Variants in TMEM232 observed in about 807,000 individuals in gnomAD.
TMEM232 encodes the protein transmembrane protein 232.
In TMEM232, 80 loss-of-function variants were observed where a neutral mutation model predicts 78.8. The observed-to-expected ratio is 1.01, with a 90% CI of 0.85 to 1.22. The LOEUF (loss-of-function observed/expected upper bound fraction) is 1.22, where lower values mean the gene tolerates loss of function less well. TMEM232 is among the 50% of genes most tolerant of loss of function. TMEM232 has a pLI of 0.00. For synonymous variants in TMEM232, 297 were observed against 254.3 expected, an observed-to-expected ratio of 1.17 and a Z score of -1.60; for missense variants, 881 against 742.2, an observed-to-expected ratio of 1.19 and a Z score of -2.17.
rs567992681 is a variant in TMEM232 at position 110,695,811 on chromosome 5, T to C, written c.-12-28447A>G. On this transcript the variant is annotated intron_variant, in intron 1 of 13. Coordinates refer to ENST00000455884, the MANE Select transcript of TMEM232 (RefSeq NM_001039763.4). ...GCTCTGAAATTGAGGCAATAATTAA[T>C]AGCTTACCAACCAAAAAAAGTCCAG... is the stretch of plus-strand genomic sequence containing the variant. Among the ~76,000 whole-genome samples the C allele has an allele frequency of 2.6e-5, 4 of 152,200 alleles. No individual in the cohort carries two copies. In the East Asian group the frequency reaches 7.7e-4, roughly 29 times the overall value.
chr5:110,732,464 A>G (rs774330526), intron 2 of TMEM232, among the ~76,000 whole-genome samples: 3 of 152,206 alleles, frequency 2.0e-5, no homozygotes, highest in African/African-American at 7.2e-5. Flanking sequence ...ACAGTTCCAC[A>G]TGGCTGCAGA....
intron 1 of TMEM232, among the ~76,000 whole-genome samples, chr5:110,690,170 G>A (rs1348497333): frequency 7.2e-5 from 11 of 152,214 alleles, no homozygotes; most frequent in South Asian, 4.1e-4. Context: ...TCTAGACAGC[G>A]AAAGAAAGTA....
chr5:110,663,745 A>G (rs62376092), intron 2 of TMEM232, among the ~76,000 whole-genome samples: 29 of 134,074 alleles, frequency 2.2e-4, no homozygotes, highest in Admixed American at 6.1e-4. Flanking sequence ...GTGTGTGTGT[A>G]TGTGTGTGTG....
Position 110,568,586 on chromosome 5 carries a change from T to C in TMEM232, c.1316A>G (p.Tyr439Cys). ...VVWTGYYGLV[Y>C]NLVKISWELQ... ...TTCCCATGAAATTTTCACCAGGTTA[T>C]ACACTAAGCCATAGTAACCAGTCCA... is the stretch of plus-strand genomic sequence containing the variant. The change falls in exon 11 of 14, where the codon TAT becomes TGT. Residue 439 changes from tyrosine (Y) to cysteine (C), a missense_variant. By Grantham distance (194) the Tyr-to-Cys change is radical (BLOSUM62 -2). Coordinates refer to ENST00000455884, the MANE Select transcript of TMEM232 (RefSeq NM_001039763.4). The C allele has an allele frequency of 1.3e-6, 2 of 1,549,336 alleles. No individual in the cohort carries two copies. Among genetic ancestry groups the C allele is most frequent in the South Asian group, 1.2e-5 (1 of 83,942 alleles).
upstream of TMEM232, among the ~76,000 whole-genome samples, chr5:110,730,482 A>C (rs1469678994): frequency 6.6e-6 from 1 of 152,142 alleles, no homozygotes; most frequent in African/African-American, 2.4e-5. Flanking sequence ...ATACTGTATT[A>C]GTTTGTTTTC....
chr5:110,711,299 T>C lies in TMEM232; in HGVS notation c.-13+15328A>G, dbSNP rs143848678. Among the ~76,000 whole-genome samples the C allele has an allele frequency of 6.4e-3, 974 of 152,282 alleles. 19 individuals are homozygous for C. Among genetic ancestry groups the C allele is most frequent in the African/African-American group, 0.022 (901 of 41,558 alleles). ...CTGAAATACATTTCATGTTCATGGA[T>C]TGGAAGAATCAATATTGTTAAAATG... On this transcript the variant is annotated intron_variant, in intron 1 of 13. Coordinates refer to ENST00000455884, the MANE Select transcript of TMEM232 (RefSeq NM_001039763.4).
At chr5:110,404,868 G>T (rs1268326519) in intron 2 of TMEM232, among the ~76,000 whole-genome samples, 2 of 151,974 alleles carry the variant, frequency 1.3e-5, no homozygotes, top group Non-Finnish European at 2.9e-5. Context: ...TTGATGAAGA[G>T]ACTCGGCAGG....
At chr5:110,507,477 G>T (rs754372046) in intron 12 of TMEM232, among the ~76,000 whole-genome samples, 3 of 152,076 alleles carry the variant, frequency 2.0e-5, no homozygotes, top group Non-Finnish European at 2.9e-5. Context: ...GTTTACCCTG[G>T]GTTAATCCAA....
chr5:110,519,541 G>A (rs1245176927), intron 12 of TMEM232, among the ~76,000 whole-genome samples: 1 of 151,968 alleles, frequency 6.6e-6, no homozygotes, highest in African/African-American at 2.4e-5. Context: ...AATTAGTACA[G>A]CCACTACGGA....
At chr5:110,722,701 A>G (rs897721019) in intron 1 of TMEM232, among the ~76,000 whole-genome samples, 1 of 152,204 alleles carries the variant, frequency 6.6e-6, no homozygotes, top group Admixed American at 6.5e-5. Flanking sequence ...CAGAAGGGCC[A>G]TGATTCAATG....
At chr5:110,630,935 T>C (rs575803200) in intron 5 of TMEM232, among the ~76,000 whole-genome samples, 2 of 152,174 alleles carry the variant, frequency 1.3e-5, no homozygotes, top group South Asian at 4.1e-4. Flanking sequence ...TAGAGACCCC[T>C]GAAGGACATT....
At chr5:110,548,571 C>A (rs998165568) in intron 11 of TMEM232, among the ~76,000 whole-genome samples, 1 of 151,518 alleles carries the variant, frequency 6.6e-6, no homozygotes, top group African/African-American at 2.4e-5. Context: ...AAAACAAAAT[C>A]TTTTCCCAAA....
At chr5:110,481,737 T>C (rs986315215) in intron 12 of TMEM232, among the ~76,000 whole-genome samples, 26 of 152,274 alleles carry the variant, frequency 1.7e-4, no homozygotes, top group African/African-American at 6.3e-4. Flanking sequence ...GAGTAGACTT[T>C]GAAGCAAACA....
chr5:110,427,529 G>A (rs901024849), intron 12 of TMEM232, among the ~76,000 whole-genome samples: 1 of 151,814 alleles, frequency 6.6e-6, no homozygotes, highest in Non-Finnish European at 1.5e-5. Flanking sequence ...AAGAAAGATG[G>A]TATACTAGTT....
chr5:110,591,909 G>A (rs1337490538), intron 10 of TMEM232, among the ~76,000 whole-genome samples: 2 of 152,026 alleles, frequency 1.3e-5, no homozygotes, highest in East Asian at 1.9e-4. Flanking sequence ...CTCCCAATAA[G>A]TATTTTGAAA....
At chr5:110,563,103 C>T (rs556053241) in intron 11 of TMEM232, among the ~76,000 whole-genome samples, 1 of 152,010 alleles carries the variant, frequency 6.6e-6, no homozygotes, top group African/African-American at 2.4e-5. Flanking sequence ...TAACTTTCCG[C>T]CTTCATTTAA....
Position 110,514,042 on chromosome 5 carries a change from C to T in TMEM232, c.1703+14546G>A, listed in dbSNP as rs558139641. ...ATGATCCAACCCATTTATTTAAACT[C>T]AATTATTTCACAAAGGCTCAATAAA... On this transcript the variant is annotated intron_variant, in intron 12 of 13. Transcript: ENST00000455884. 5 of 167,006 alleles carry T rather than the reference C, an allele frequency of 3.0e-5. No homozygotes were observed. The South Asian group carries it at 1.0e-3, about 34-fold the overall frequency. 10.3% of individuals were successfully genotyped at this position (167,006 alleles called of 1,614,324 possible).
intron 12 of TMEM232, among the ~76,000 whole-genome samples, chr5:110,526,173 A>G (rs1039188889): frequency 6.6e-6 from 1 of 151,544 alleles, no homozygotes; most frequent in Non-Finnish European, 1.5e-5. Context: ...CTTTTCATAA[A>G]TAGAACAAAA....
chr5:110,620,997 G>A (rs969063294), intron 7 of TMEM232, among the ~76,000 whole-genome samples: 1 of 150,830 alleles, frequency 6.6e-6, no homozygotes, highest in African/African-American at 2.4e-5. Context: ...CAAGTAGCTG[G>A]GATTACAGGT....
Sources: allele counts gnomAD v4.1 joint callset (sites outside exome capture counted in the v4.1 genomes callset), GRCh38; gene constraint gnomAD v4.1.1; transcripts MANE v1.5; gene names NCBI Gene and HGNC (gene_info 2026-07-23, HGNC 2026-07-21).